ACTL10: variants seen among roughly 807,000 people sequenced by gnomAD.
The protein encoded by ACTL10 is actin like 10, also known as actin-like protein 10.
For missense variants in ACTL10, 413 were observed against 359.4 expected, an observed-to-expected ratio of 1.15 and a Z score of -1.21; for synonymous variants, 180 against 169.9, an observed-to-expected ratio of 1.06 and a Z score of -0.46.
At position 33,668,412 on chromosome 20, in the gene ACTL10, C is replaced by A; in HGVS notation, c.*177C>A. 1.2e-6 allele frequency: 1 copy of A among 860,888 alleles called. No individual in the cohort carries two copies. Among genetic ancestry groups the A allele is most frequent in the Non-Finnish European group, 1.7e-6 (1 of 603,422 alleles). The allele number at this position is 860,888 out of a possible 1,614,324, so 53.3% of individuals were successfully genotyped here. On this transcript the variant is annotated 3_prime_UTR_variant, in exon 1 of 1. Coordinates refer to ENST00000677665, the MANE Select transcript of ACTL10 (RefSeq NM_001024675.2). ...GGACCCATGGGACCCTCATTTTGAACTGCAGTTTGAATCTCCCCAACCACT... is the reference window on the plus strand; with the variant it reads ...GGACCCATGGGACCCTCATTTTGAAATGCAGTTTGAATCTCCCCAACCACT...
In ACTL10 at chr20:33,668,337, G is replaced by A. The variant is rs541530780; in HGVS notation, c.*102G>A. On this transcript the variant is annotated 3_prime_UTR_variant, in exon 1 of 1. Transcript: ENST00000677665. Reference sequence around the variant, plus strand: ...CAGGGTCCTCCTGGAGGTTGGAGCTGACTGGATGGGTCACCCCCATACCCT... The same window carrying A: ...CAGGGTCCTCCTGGAGGTTGGAGCTAACTGGATGGGTCACCCCCATACCCT... The A allele has an allele frequency of 6.7e-7, 1 of 1,484,348 alleles. No individual in the cohort carries two copies. Among genetic ancestry groups the A allele is most frequent in the South Asian group, 1.4e-5 (1 of 72,464 alleles). The allele number at this position is 1,484,348 out of a possible 1,614,324, so 91.9% of individuals were successfully genotyped here. A position where few individuals can be genotyped will look rare whatever the true frequency, so the allele number is the denominator to read the frequency against.
Position 33,667,638 on chromosome 20 carries a change from G to T in ACTL10, c.141G>T (p.Val47=). Residue 47 remains valine (V), a synonymous_variant, in exon 1 of 1, where the codon GTG becomes GTT. Coordinates refer to ENST00000677665, the MANE Select transcript of ACTL10 (RefSeq NM_001024675.2). ...ACCAGGCCACCTTCCGACTGAACGT[G>T]GCAGGCAGCACCCTGTCGCGCTACC... ...SWHQATFRLN[V]AGSTLSRYLR... 1 of 1,606,628 alleles carries T rather than the reference G, an allele frequency of 6.2e-7. No individual in the cohort carries two copies.
chr20:33,668,142 G>A lies in ACTL10; in HGVS notation c.645G>A (p.Met215Ile). 3 of 1,612,236 alleles carry A rather than the reference G, an allele frequency of 1.9e-6. No homozygotes were observed. The highest frequency in any genetic ancestry group is 1.7e-6 in the Non-Finnish European group (2 of 1,179,686). The part of the protein sequence containing the change: ...RGMAVWTGGS[M>I]VASLHSFQRR... ...TGGCTGTGTGGACCGGCGGCTCCATGGTGGCCTCCCTGCACTCCTTCCAGC... is the reference window on the plus strand; with the variant it reads ...TGGCTGTGTGGACCGGCGGCTCCATAGTGGCCTCCCTGCACTCCTTCCAGC... Residue 215 changes from methionine to isoleucine, a missense_variant, in exon 1 of 1, where the codon ATG becomes ATA. By Grantham distance (10) the Met-to-Ile change is conservative. Coordinates refer to ENST00000677665, the MANE Select transcript of ACTL10 (RefSeq NM_001024675.2).
Position 33,667,678 on chromosome 20 carries a change from G to A in ACTL10, c.181G>A (p.Val61Met), listed in dbSNP as rs1440996696. The change falls in exon 1 of 1, where the codon GTG becomes ATG. Residue 61 changes from valine (V) to methionine (M), a missense_variant. Transcript: ENST00000677665. ...GTCGCGCTACCTGCGGGATCTGCTG[G>A]TGGCGGCGAACCCTGACCTCTTGCA... ...TLSRYLRDLLVAANPDLLQQA... is the reference protein window; with the variant it reads ...TLSRYLRDLLMAANPDLLQQA... 6.2e-7 allele frequency: 1 copy of A among 1,611,794 alleles called. No individual in the cohort carries two copies. Among genetic ancestry groups the A allele is most frequent in the Non-Finnish European group, 8.5e-7 (1 of 1,179,788 alleles).
In ACTL10 at chr20:33,667,695, C is replaced by G. The variant is rs772228777; in HGVS notation, c.198C>G (p.Asp66Glu). ...LRDLLVAANP[D>E]LLQQALPRKA... The stretch of plus-strand genomic sequence containing the variant: ...ATCTGCTGGTGGCGGCGAACCCTGA[C>G]CTCTTGCAGCAGGCCCTGCCCCGCA... Residue 66 changes from aspartate to glutamate, a missense_variant, in exon 1 of 1, where the codon GAC becomes GAG. Transcript: ENST00000677665. The G allele has an allele frequency of 1.9e-6, 3 of 1,612,148 alleles. No individual in the cohort carries two copies. Among genetic ancestry groups the G allele is most frequent in the Non-Finnish European group, 2.5e-6 (3 of 1,179,896 alleles).
Position 33,667,392 on chromosome 20 carries a change from A to C in ACTL10, c.-106A>C. On this transcript the variant is annotated 5_prime_UTR_variant, in exon 1 of 1. Coordinates refer to ENST00000677665, the MANE Select transcript of ACTL10 (RefSeq NM_001024675.2). ...TGGTGGGCGGCCTGCGGGTGTGCCC[A>C]GAGCAGTGGCCCGTGCTGGTGAGCG... 1.5e-6 allele frequency: 2 copies of C among 1,368,030 alleles called. No individual in the cohort carries two copies. The highest frequency in any genetic ancestry group is 1.9e-6 in the Non-Finnish European group (2 of 1,059,820). The allele number at this position is 1,368,030 out of a possible 1,614,324, so 84.7% of individuals were successfully genotyped here.
Position 33,667,564 on chromosome 20 carries a change from G to A in ACTL10, c.67G>A (p.Gly23Ser), listed in dbSNP as rs754484126. Residue 23 changes from glycine (G) to serine (S), a missense_variant, in exon 1 of 1, where the codon GGC becomes AGC. Coordinates refer to ENST00000677665, the MANE Select transcript of ACTL10 (RefSeq NM_001024675.2). ...GTTCAGCGGGCTGGCCGTGGAGGCG[G>A]GCGCGGGCGTGTGCCACGCCACGCC... ...GAFSGLAVEAGAGVCHATPIY... is the reference protein window; with the variant it reads ...GAFSGLAVEASAGVCHATPIY... 94 of 1,554,192 alleles carry A rather than the reference G, an allele frequency of 6.0e-5. 1 individual carries two copies. The South Asian group carries it at 1.0e-3, about 16-fold the overall frequency.
rs1314532096 is a variant in ACTL10 at position 33,667,874 on chromosome 20, C to A, written c.377C>A (p.Pro126His). 4.4e-6 allele frequency: 7 copies of A among 1,599,158 alleles called. No individual in the cohort carries two copies. The highest frequency in any genetic ancestry group is 5.1e-6 in the Non-Finnish European group (6 of 1,173,364). Residue 126 changes from proline to histidine, a missense_variant, in exon 1 of 1, where the codon CCC becomes CAC. Pro to His is a moderately conservative substitution (Grantham distance 77). Transcript: ENST00000677665. ...AGTGAGCGCTTCCGCTGCCCCGAAC[C>A]CATCTTCCAGCCGGGCCTGCTGGGC... ...LSSERFRCPE[P>H]IFQPGLLGQA...
Position 33,667,529 on chromosome 20 carries a change from C to T in ACTL10, c.32C>T (p.Ser11Phe), listed in dbSNP as rs61743634. Residue 11 changes from serine (S) to phenylalanine (F), a missense_variant, in exon 1 of 1, where the codon TCC (serine) becomes TTC (phenylalanine). Ser to Phe is a radical substitution (Grantham distance 155). Transcript: ENST00000677665. MASTALLALC[S>F]TGAFSGLAVE... is the part of the protein sequence containing the mutation. ...AGCACCGCGTTGCTGGCGCTCTGCT[C>T]CACCGGCGCGTTCAGCGGGCTGGCC... 3 of 1,539,994 alleles carry T rather than the reference C, an allele frequency of 1.9e-6. No individual in the cohort carries two copies. Among genetic ancestry groups the T allele is most frequent in the Non-Finnish European group, 2.6e-6 (3 of 1,143,952 alleles).
Position 33,667,555 on chromosome 20 carries a change from G to A in ACTL10, c.58G>A (p.Val20Met). 4.5e-6 allele frequency: 7 copies of A among 1,552,812 alleles called. No individual in the cohort carries two copies. In the East Asian group the frequency reaches 7.3e-5, roughly 16 times the overall value. The change falls in exon 1 of 1, where the codon GTG becomes ATG. Residue 20 changes from valine (V) to methionine (M), a missense_variant. Physicochemically the swap from Val to Met is conservative, Grantham distance 21. Transcript: ENST00000677665. Reference sequence around the variant, plus strand: ...CACCGGCGCGTTCAGCGGGCTGGCCGTGGAGGCGGGCGCGGGCGTGTGCCA... The same window carrying A: ...CACCGGCGCGTTCAGCGGGCTGGCCATGGAGGCGGGCGCGGGCGTGTGCCA... Reference protein sequence around the residue: ...CSTGAFSGLAVEAGAGVCHAT... With the variant: ...CSTGAFSGLAMEAGAGVCHAT...
rs763709118 is a variant in ACTL10 at position 33,667,721 on chromosome 20, A to G, written c.224A>G (p.Lys75Arg). The G allele has an allele frequency of 2.5e-5, 41 of 1,612,062 alleles. No homozygotes were observed. The East Asian group carries it at 8.7e-4, about 34-fold the overall frequency. The change falls in exon 1 of 1, where the codon AAG becomes AGG. Residue 75 changes from lysine (K) to arginine (R), a missense_variant. Lys to Arg is a conservative substitution (Grantham distance 26). Transcript: ENST00000677665. ...PDLLQQALPR[K>R]AITHLKKRSC... is the part of the protein sequence containing the mutation. ...CTCTTGCAGCAGGCCCTGCCCCGCAAGGCCATCACACATCTCAAGAAGCGC... is the reference window on the plus strand; with the variant it reads ...CTCTTGCAGCAGGCCCTGCCCCGCAGGGCCATCACACATCTCAAGAAGCGC...
chr20:33,668,359 C>A lies in ACTL10; in HGVS notation c.*124C>A. 1 of 1,356,688 alleles carries A rather than the reference C, an allele frequency of 7.4e-7. No homozygotes were observed. 84.0% of individuals were successfully genotyped at this position (1,356,688 alleles called of 1,614,324 possible). A position where few individuals can be genotyped will look rare whatever the true frequency, so the allele number is the denominator to read the frequency against. On this transcript the variant is annotated 3_prime_UTR_variant, in exon 1 of 1. Coordinates refer to ENST00000677665, the MANE Select transcript of ACTL10 (RefSeq NM_001024675.2). ...GCTGACTGGATGGGTCACCCCCATA[C>A]CCTTTCTGGGCCAGGAGAAGGTATT... is the stretch of plus-strand genomic sequence containing the variant.
At position 33,667,934 on chromosome 20, in the gene ACTL10, G is replaced by A. The variant is rs757311508; in HGVS notation, c.437G>A (p.Arg146Gln). The change falls in exon 1 of 1, where the codon CGG (arginine) becomes CAG (glutamine). Residue 146 changes from arginine to glutamine, a missense_variant. Transcript: ENST00000677665. ...CAGGGGCTGCCCGCGCTGGCCTTCC[G>A]GGCGCTGCAGAAGATGCCCAAAACG... ...AEQGLPALAF[R>Q]ALQKMPKTLR... 9 of 1,557,128 alleles carry A rather than the reference G, an allele frequency of 5.8e-6. No homozygotes were observed. In the South Asian group the frequency reaches 8.2e-5, roughly 14 times the overall value.
rs1568899732 is a variant in ACTL10 at position 33,667,532 on chromosome 20, C to CCGGCG, written c.38_42dup (p.Phe15AlafsTer33). On this transcript the variant is annotated frameshift_variant, in exon 1 of 1. Transcript: ENST00000677665. LOFTEE classifies it low-confidence loss of function (END_TRUNC). ...ACCGCGTTGCTGGCGCTCTGCTCCA[C>CCGGCG]CGGCGCGTTCAGCGGGCTGGCCGTG... 1 of 1,541,374 alleles carries CCGGCG rather than the reference C, an allele frequency of 6.5e-7. No individual in the cohort carries two copies. Among genetic ancestry groups the CCGGCG allele is most frequent in the Non-Finnish European group, 8.7e-7 (1 of 1,144,766 alleles).
Position 33,667,359 on chromosome 20 carries a change from G to A in ACTL10, c.-139G>A. 1 of 1,142,374 alleles carries A rather than the reference G, an allele frequency of 8.8e-7. No individual in the cohort carries two copies. Among genetic ancestry groups the A allele is most frequent in the Non-Finnish European group, 1.1e-6 (1 of 880,746 alleles). The allele number at this position is 1,142,374 out of a possible 1,614,324, so 70.8% of individuals were successfully genotyped here. On this transcript the variant is annotated 5_prime_UTR_variant, in exon 1 of 1. Coordinates refer to ENST00000677665, the MANE Select transcript of ACTL10 (RefSeq NM_001024675.2). ...GGGAGGCGCTGGAAGGGCTGTGGGA[G>A]CGCCTGCTGGTGGGCGGCCTGCGGG...
chr20:33,667,968 A>C lies in ACTL10; in HGVS notation c.471A>C (p.Thr157=). ...AGAAGATGCCCAAAACGCTGCGGAC[A>C]CGCCTGGCAGACACCGTGGTGCTAG... ...ALQKMPKTLR[T]RLADTVVLAG... Residue 157 remains threonine (T), a synonymous_variant, in exon 1 of 1, where the codon ACA becomes ACC. Transcript: ENST00000677665. The C allele has an allele frequency of 6.4e-7, 1 of 1,550,398 alleles. No individual in the cohort carries two copies. Among genetic ancestry groups the C allele is most frequent in the Non-Finnish European group, 8.7e-7 (1 of 1,147,312 alleles).
At position 33,667,180 on chromosome 20, in the gene ACTL10, G is replaced by C. The variant is rs1387505710; in HGVS notation, c.-318G>C. ...CCAGGGCTCGGGCTTCACCAAGGCG[G>C]GCTTCGCGGGCGAGAACCAGCCGCG... On this transcript the variant is annotated 5_prime_UTR_variant, in exon 1 of 1. Coordinates refer to ENST00000677665, the MANE Select transcript of ACTL10 (RefSeq NM_001024675.2). 7.5e-6 allele frequency: 2 copies of C among 266,952 alleles called. No homozygotes were observed. Among genetic ancestry groups the C allele is most frequent in the Non-Finnish European group, 1.4e-5 (2 of 141,606 alleles). The allele number at this position is 266,952 out of a possible 1,614,324, so 16.5% of individuals were successfully genotyped here.
Position 33,668,233 on chromosome 20 carries a change from T to A in ACTL10, c.736T>A (p.Ter246ArgextTer18). ...CAGGCTGCTGTACGATGTGTTCAACTGAGTCAGGCTGGACTGGGGGGGGTG... is the reference window on the plus strand; with the variant it reads ...CAGGCTGCTGTACGATGTGTTCAACAGAGTCAGGCTGGACTGGGGGGGGTG... ...GSRLLYDVFN* is the reference protein window; with the variant it reads ...GSRLLYDVFNR The change falls in exon 1 of 1, where the codon TGA (stop) becomes AGA (arginine). Residue 246 changes from the stop codon to arginine, a stop_lost. Coordinates refer to ENST00000677665, the MANE Select transcript of ACTL10 (RefSeq NM_001024675.2). 1 of 1,578,864 alleles carries A rather than the reference T, an allele frequency of 6.3e-7. No homozygotes were observed. The highest frequency in any genetic ancestry group is 1.1e-5 in the South Asian group (1 of 86,974).
At position 33,667,425 on chromosome 20, in the gene ACTL10, G is replaced by A. The variant is rs1185303163; in HGVS notation, c.-73G>A. On this transcript the variant is annotated 5_prime_UTR_variant, in exon 1 of 1. Transcript: ENST00000677665. The stretch of plus-strand genomic sequence containing the variant: ...GGCCCGTGCTGGTGAGCGACTCGCC[G>A]TTGGCGCCGCCCGCGGGCCGCGAAA... 4.3e-6 allele frequency: 6 copies of A among 1,409,252 alleles called. No homozygotes were observed. The highest frequency in any genetic ancestry group is 4.6e-6 in the Non-Finnish European group (5 of 1,088,634). 87.3% of individuals were successfully genotyped at this position (1,409,252 alleles called of 1,614,324 possible).
Sources: allele counts gnomAD v4.1 joint callset, GRCh38; gene constraint gnomAD v4.1.1; transcripts MANE v1.5; gene names NCBI Gene and HGNC (gene_info 2026-07-23, HGNC 2026-07-21).